The following IQCH variants were observed in gnomAD, a reference collection of about 807,000 sequenced individuals.
The protein encoded by IQCH is IQ motif containing H.
In IQCH, 98 loss-of-function variants were observed where a neutral mutation model predicts 117.0. The observed-to-expected ratio is 0.84, with a 90% CI of 0.71 to 0.99. The LOEUF (loss-of-function observed/expected upper bound fraction) is 0.99. Ranked by LOEUF, IQCH falls within the 50% of genes least tolerant of loss-of-function variation. The pLI, the probability that IQCH is intolerant of heterozygous loss-of-function variation, is 0.00. For synonymous variants in IQCH, 412 were observed against 448.2 expected, an observed-to-expected ratio of 0.92 and a Z score of 1.02; for missense variants, 1,102 against 1,243.8, an observed-to-expected ratio of 0.89 and a Z score of 1.72.
intron 19 of IQCH, among the ~76,000 whole-genome samples, chr15:67,492,024 T>C (rs1251914446): frequency 6.6e-6 from 1 of 152,002 alleles, no homozygotes; most frequent in East Asian, 1.9e-4. Context: ...GATCAGAGAT[T>C]AAATACTTCC....
chr15:67,465,300 A>G lies in IQCH; in HGVS notation c.2676+3A>G, dbSNP rs769112755. 9.3e-6 allele frequency: 15 copies of G among 1,612,476 alleles called. No homozygotes were observed. In the East Asian group the frequency reaches 3.3e-4, roughly 36 times the overall value. On this transcript the variant is annotated splice_donor_region_variant and intron_variant, in intron 17 of 20. Coordinates refer to ENST00000335894, the MANE Select transcript of IQCH (RefSeq NM_001031715.3). The surrounding 1 kb of genome is among the most constrained non-coding windows in gnomAD (Gnocchi z 5.9). ...GCATGAGTGCGCTGTCAATGCCGGT[A>G]AGCAAGAGGTGCTTCCTGAAGGTTC...
chr15:67,261,058 T>C (rs754292591), intron 1 of IQCH, among the ~76,000 whole-genome samples: 2 of 146,784 alleles, frequency 1.4e-5, no homozygotes, highest in Non-Finnish European at 3.0e-5. Flanking sequence ...ATCACACCAT[T>C]GCATTCCAGT....
At chr15:67,266,866 A>G (rs1965698250) in intron 3 of IQCH, among the ~76,000 whole-genome samples, 1 of 152,206 alleles carries the variant, frequency 6.6e-6, no homozygotes, top group African/African-American at 2.4e-5. Flanking sequence ...AAGAGTAAAA[A>G]TGTCAACTCT....
chr15:67,479,004 C>A lies in IQCH; in HGVS notation c.2799+3186C>A, dbSNP rs1567222526. Among the ~76,000 whole-genome samples the A allele has an allele frequency of 6.6e-6, 1 of 152,098 alleles. No individual in the cohort carries two copies. Among genetic ancestry groups the A allele is most frequent in the Admixed American group, 6.5e-5 (1 of 15,270 alleles). ...AGAAAAGAGGGAAGAAGTTGAGTCA[C>A]AAAAATTCTCCAGCAGTATCCTTGC... On this transcript the variant is annotated intron_variant, in intron 18 of 20. Coordinates refer to ENST00000335894, the MANE Select transcript of IQCH (RefSeq NM_001031715.3). The surrounding 1 kb of genome is among the most constrained non-coding windows in gnomAD (Gnocchi z 4.6).
rs1332284816 is a variant in IQCH, at chr15:67,408,708, G to C, written c.2098-8223G>C. Among the ~76,000 whole-genome samples, 1 of 152,052 alleles carries C rather than the reference G, an allele frequency of 6.6e-6. No homozygotes were observed. Among genetic ancestry groups the C allele is most frequent in the Non-Finnish European group, 1.5e-5 (1 of 68,018 alleles). On this transcript the variant is annotated intron_variant, in intron 14 of 20. Coordinates refer to ENST00000335894, the MANE Select transcript of IQCH (RefSeq NM_001031715.3). This position sits in a 1 kb window ranked among gnomAD's most constrained non-coding sequence, Gnocchi z 4.2. ...ACTTGAATGAAAAATCAAGTTCAAA[G>C]GGCACATGTGTTTCCTTTTGTTTTT...
chr15:67,388,777 C>A lies in IQCH; in HGVS notation c.1457-54C>A. ...ACAACACCAATCGGATGCCAGAGTT[C>A]ATAATGTCATTTACCTTCACACCAG... On this transcript the variant is annotated intron_variant, in intron 11 of 20. Coordinates refer to ENST00000335894, the MANE Select transcript of IQCH (RefSeq NM_001031715.3). This position sits in a 1 kb window ranked among gnomAD's most constrained non-coding sequence, Gnocchi z 5.5. 6.9e-7 allele frequency: 1 copy of A among 1,441,916 alleles called. No homozygotes were observed. Among genetic ancestry groups the A allele is most frequent in the Admixed American group, 1.7e-5 (1 of 58,102 alleles). 89.3% of individuals were successfully genotyped at this position (1,441,916 alleles called of 1,614,324 possible).
At chr15:67,394,176 C>G (rs1178680392) in intron 12 of IQCH, among the ~76,000 whole-genome samples, 2 of 152,108 alleles carry the variant, frequency 1.3e-5, no homozygotes, top group African/African-American at 2.4e-5. Flanking sequence ...CTTTCCCATG[C>G]CCATCTTCAC....
At chr15:67,452,949 C>A (rs1057420676) in intron 16 of IQCH, among the ~76,000 whole-genome samples, 24 of 151,970 alleles carry the variant, frequency 1.6e-4, no homozygotes, top group African/African-American at 5.6e-4. Context: ...TCTCTAAACT[C>A]CTCTTCTCGC....
chr15:67,278,674 A>T (rs1307832838), intron 3 of IQCH, among the ~76,000 whole-genome samples: 1 of 152,180 alleles, frequency 6.6e-6, no homozygotes. Flanking sequence ...TGAAACTAGA[A>T]CTCCGTAAGT....
At chr15:67,310,127 G>A (rs199706031) in intron 4 of IQCH, among the ~76,000 whole-genome samples, 2 of 17,174 alleles carry the variant, frequency 1.2e-4, no homozygotes, top group Admixed American at 1.2e-3. Context: ...TTTCAAATTG[G>A]AGAACTCCAG....
At chr15:67,257,188 T>G (rs1965259008) in intron 1 of IQCH, among the ~76,000 whole-genome samples, 1 of 152,224 alleles carries the variant, frequency 6.6e-6, no homozygotes, top group African/African-American at 2.4e-5. Context: ...ACTTTCCTCT[T>G]CCATAGGACA....
At chr15:67,314,558 A>G (rs903602249) in intron 4 of IQCH, among the ~76,000 whole-genome samples, 9 of 150,142 alleles carry the variant, frequency 6.0e-5, no homozygotes, top group African/African-American at 1.2e-4. Context: ...TTTCTTTTAT[A>G]TAAGCAGTAA....
intron 8 of IQCH, among the ~76,000 whole-genome samples, chr15:67,360,314 A>G (rs548277416): frequency 2.0e-5 from 3 of 152,374 alleles, no homozygotes; most frequent in Admixed American, 2.0e-4. Flanking sequence ...AACATACTGC[A>G]TGTATGCTGT....
rs1212004793 is a variant in IQCH, at chr15:67,359,192, G to C, written c.715-655G>C. Among the ~76,000 whole-genome samples, 1 of 152,134 alleles carries C rather than the reference G, an allele frequency of 6.6e-6. No homozygotes were observed. The highest frequency in any genetic ancestry group is 2.4e-5 in the African/African-American group (1 of 41,424). ...AGTTTTATAGATAACAGATCTACAG[G>C]TAATACAAATATTATGACTAGGTTT... On this transcript the variant is annotated intron_variant, in intron 7 of 20. Coordinates refer to ENST00000335894, the MANE Select transcript of IQCH (RefSeq NM_001031715.3). The surrounding 1 kb of genome is among the most constrained non-coding windows in gnomAD (Gnocchi z 4.5).
chr15:67,279,897 G>C (rs1966279750), intron 4 of IQCH, among the ~76,000 whole-genome samples: 1 of 151,970 alleles, frequency 6.6e-6, no homozygotes, highest in South Asian at 2.1e-4. Context: ...CCTGGTACTG[G>C]TGGTGGTACT....
Position 67,475,716 on chromosome 15 carries a change from T to C in IQCH, c.2697T>C (p.Tyr899=). ...LSMPMLATSR[Y]AVMTTQLRHS... ...TCCAGATGCTGGCAACCAGTCGCTA[T>C]GCAGTGATGACCACCCAGCTAAGAC... The change falls in exon 18 of 21, where the codon TAT becomes TAC. Residue 899 remains tyrosine (Y), a synonymous_variant. Transcript: ENST00000335894. This position sits in a 1 kb window ranked among gnomAD's most constrained non-coding sequence, Gnocchi z 5.7. 1 of 1,614,046 alleles carries C rather than the reference T, an allele frequency of 6.2e-7. No homozygotes were observed. Among genetic ancestry groups the C allele is most frequent in the East Asian group, 2.2e-5 (1 of 44,884 alleles).
At position 67,366,244 on chromosome 15, in the gene IQCH, A is replaced by G. The variant is rs1315072713; in HGVS notation, c.754-5867A>G. Among the ~76,000 whole-genome samples the G allele has an allele frequency of 6.6e-6, 1 of 152,194 alleles. No homozygotes were observed. The highest frequency in any genetic ancestry group is 1.5e-5 in the Non-Finnish European group (1 of 68,024). Reference sequence around the variant, plus strand: ...CAGCAGGTTCAACCCATCCATCATAATTGTCCCCAGTGGTCCTTAACTATG... The same window carrying G: ...CAGCAGGTTCAACCCATCCATCATAGTTGTCCCCAGTGGTCCTTAACTATG... On this transcript the variant is annotated intron_variant, in intron 8 of 20. Coordinates refer to ENST00000335894, the MANE Select transcript of IQCH (RefSeq NM_001031715.3). This position sits in a 1 kb window ranked among gnomAD's most constrained non-coding sequence, Gnocchi z 4.4.
rs1007741388 is a variant in IQCH at position 67,391,491 on chromosome 15, T to C, written c.1632+2485T>C. On this transcript the variant is annotated intron_variant, in intron 12 of 20. Transcript: ENST00000335894. The surrounding 1 kb of genome is among the most constrained non-coding windows in gnomAD (Gnocchi z 4.3). ...TACTATATGATTCTTGAATTTGTAA[T>C]GGTAAAATGTGCTCTTTATAAAAGT... Among the ~76,000 whole-genome samples the C allele has an allele frequency of 1.3e-5, 2 of 152,198 alleles. No individual in the cohort carries two copies. The highest frequency in any genetic ancestry group is 4.8e-5 in the African/African-American group (2 of 41,448).
At position 67,454,351 on chromosome 15, in the gene IQCH, C is replaced by A. The variant is rs931008190; in HGVS notation, c.2506-10776C>A. ...CTGGGAGCTGTAGACCGGAGCTGTT[C>A]GTATTCGGCCATCTTGGCTCTGGTC... On this transcript the variant is annotated intron_variant, in intron 16 of 20. Transcript: ENST00000335894. This position sits in a 1 kb window ranked among gnomAD's most constrained non-coding sequence, Gnocchi z 5.2. 6.6e-6 allele frequency among the ~76,000 whole-genome samples: 1 copy of A among 152,190 alleles called. No homozygotes were observed. The highest frequency in any genetic ancestry group is 1.9e-4 in the East Asian group (1 of 5,188).
Sources: allele counts gnomAD v4.1 joint callset (sites outside exome capture counted in the v4.1 genomes callset), GRCh38; gene constraint gnomAD v4.1.1; non-coding constraint Gnocchi (gnomAD v3.1); transcripts MANE v1.5; gene names NCBI Gene and HGNC (gene_info 2026-07-23, HGNC 2026-07-21).